Variants in EGFR observed in about 807,000 individuals in gnomAD.
The protein encoded by EGFR is avian erythroblastic leukemia viral (v-erb-b) oncogene homolog.
In EGFR, 58 loss-of-function variants were observed where a neutral mutation model predicts 143.0. That is an observed-to-expected ratio of 0.41 (90% CI 0.33 to 0.50). EGFR has a LOEUF of 0.50. Among genes scored for constraint, EGFR ranks in the 20% least tolerant of loss-of-function variants. The pLI, the probability that EGFR is intolerant of heterozygous loss-of-function variation, is 0.39. For missense variants in EGFR, 1,307 were observed against 1,579.0 expected, an observed-to-expected ratio of 0.83 and a Z score of 2.92; for synonymous variants, 613 against 594.4, an observed-to-expected ratio of 1.03 and a Z score of -0.45.
chr7:55,025,752 C>T (rs1482937320), intron 1 of EGFR, among the ~76,000 whole-genome samples: 1 of 152,198 alleles, frequency 6.6e-6, no homozygotes, highest in Non-Finnish European at 1.5e-5. Flanking sequence ...TTGAGCCACA[C>T]CAGGGGTTCT....
rs952022012 is a variant in EGFR, at chr7:55,207,147, T to A, written c.*1530T>A. 4 of 232,624 alleles carry A rather than the reference T, an allele frequency of 1.7e-5. No homozygotes were observed. The highest frequency in any genetic ancestry group is 3.4e-5 in the Non-Finnish European group (4 of 117,762). The allele number at this position is 232,624 out of a possible 1,614,324, so 14.4% of individuals were successfully genotyped here. ...CTAGTCAATATCCACCCCATCCAAT[T>A]TATCAAGGAAGAAATGGTTCAGAAA... On this transcript the variant is annotated 3_prime_UTR_variant, in exon 28 of 28. Coordinates refer to ENST00000275493, the MANE Select transcript of EGFR (RefSeq NM_005228.5).
intron 1 of EGFR, among the ~76,000 whole-genome samples, chr7:55,045,801 C>T (rs946164090): frequency 7.9e-5 from 12 of 152,216 alleles, no homozygotes; most frequent in African/African-American, 2.9e-4. Context: ...ATTTCTAGAA[C>T]ATTGCCTTCT....
chr7:55,183,294 A>T (rs761391055), intron 20 of EGFR, among the ~76,000 whole-genome samples: 14 of 152,202 alleles, frequency 9.2e-5, no homozygotes, highest in Non-Finnish European at 1.9e-4. Flanking sequence ...GAAGTGGTAG[A>T]TATATTAATT....
chr7:55,020,821 G>C (rs966184804), intron 1 of EGFR, among the ~76,000 whole-genome samples: 2 of 151,970 alleles, frequency 1.3e-5, no homozygotes, highest in African/African-American at 2.4e-5. Flanking sequence ...GCGGTCGTTG[G>C]GGGAGGGGCA....
Position 55,033,120 on chromosome 7 carries a change from T to A in EGFR, c.88+13755T>A, listed in dbSNP as rs114505047. On this transcript the variant is annotated intron_variant, in intron 1 of 27. Transcript: ENST00000275493. ...AGATAGGTCAGTGTGATTCTAGAAC[T>A]AATCATTAACATTCAATAGATGACT... 8.4e-3 allele frequency among the ~76,000 whole-genome samples: 1,285 copies of A among 152,332 alleles called. 17 individuals are homozygous for A. The highest frequency in any genetic ancestry group is 0.029 in the African/African-American group (1,205 of 41,578).
rs1251450782 is a variant in EGFR at position 55,089,524 on chromosome 7, A to C, written c.89-52762A>C. On this transcript the variant is annotated intron_variant, in intron 1 of 27. Coordinates refer to ENST00000275493, the MANE Select transcript of EGFR (RefSeq NM_005228.5). ...ACTATTTTAAGGCCAGTCATGTCTC[A>C]TCCAAGAAATCCCATCCTTTCACAC... is the stretch of plus-strand genomic sequence containing the variant. 2.6e-5 allele frequency among the ~76,000 whole-genome samples: 4 copies of C among 152,224 alleles called. No homozygotes were observed. In the South Asian group the frequency reaches 6.2e-4, roughly 24 times the overall value.
intron 19 of EGFR, among the ~76,000 whole-genome samples, chr7:55,177,488 C>G (rs1786650475): frequency 6.6e-6 from 1 of 152,216 alleles, no homozygotes; most frequent in Admixed American, 6.5e-5. Flanking sequence ...AGCCCCAGTT[C>G]CATGTTGCTA....
chr7:55,175,862 G>C (rs1786569995), intron 19 of EGFR, among the ~76,000 whole-genome samples: 1 of 152,094 alleles, frequency 6.6e-6, no homozygotes. Flanking sequence ...TCTCTGGGCA[G>C]CTTTTCTTCC....
At chr7:55,034,550 A>T (rs1304865527) in intron 1 of EGFR, among the ~76,000 whole-genome samples, 3 of 152,194 alleles carry the variant, frequency 2.0e-5, no homozygotes, top group Non-Finnish European at 4.4e-5. Flanking sequence ...AAGGACTGTG[A>T]CTGTCTTCTG....
In EGFR at chr7:55,181,337, C is replaced by A. The variant is rs142999400; in HGVS notation, c.2328C>A (p.Arg776=). Residue 776 remains arginine, a synonymous_variant, in exon 20 of 28, where the codon CGC becomes CGA. Coordinates refer to ENST00000275493, the MANE Select transcript of EGFR (RefSeq NM_005228.5). The part of the protein sequence containing the change: ...MASVDNPHVC[R]LLGICLTSTV... ...GCGTGGACAACCCCCACGTGTGCCG[C>A]CTGCTGGGCATCTGCCTCACCTCCA... 25 of 1,614,228 alleles carry A rather than the reference C, an allele frequency of 1.5e-5. No homozygotes were observed. Among genetic ancestry groups the A allele is most frequent in the Non-Finnish European group, 1.9e-5 (23 of 1,180,058 alleles).
At position 55,078,135 on chromosome 7, in the gene EGFR, C is replaced by T. The variant is rs77589970; in HGVS notation, c.88+58770C>T. ...CAGGGTTTGCTCCTGTCCACCGTGC[C>T]GTGTTCCTGTCCTGGGGTATTTGGG... On this transcript the variant is annotated intron_variant, in intron 1 of 27. Transcript: ENST00000275493. Among the ~76,000 whole-genome samples the T allele has an allele frequency of 5.4e-3, 816 of 152,212 alleles. 4 individuals are homozygous for T. Among genetic ancestry groups the T allele is most frequent in the Non-Finnish European group, 9.2e-3 (629 of 68,006 alleles).
chr7:55,057,198 T>G (rs1473258953), intron 1 of EGFR, among the ~76,000 whole-genome samples: 1 of 152,202 alleles, frequency 6.6e-6, no homozygotes, highest in Non-Finnish European at 1.5e-5. Context: ...TTAAGAAGAA[T>G]TTTTTAAAAG....
At chr7:55,159,248 G>A (rs943684329) in intron 11 of EGFR, among the ~76,000 whole-genome samples, 2 of 151,952 alleles carry the variant, frequency 1.3e-5, no homozygotes, top group Admixed American at 1.3e-4. Context: ...GTCCGGCAGG[G>A]GCTTAGTGGT....
rs1583669527 is a variant in EGFR, at chr7:55,209,191, G to A, written c.*3574G>A. 6.6e-6 allele frequency: 1 copy of A among 152,188 alleles called. No individual in the cohort carries two copies. The highest frequency in any genetic ancestry group is 1.9e-4 in the East Asian group (1 of 5,170). The allele number at this position is 152,188 out of a possible 1,614,324, so 9.4% of individuals were successfully genotyped here. ...CGGGGGCTCTTTCATGATTCTAATG[G>A]GCAACCAGGGTTGAAACCCTTATTT... is the stretch of plus-strand genomic sequence containing the variant. On this transcript the variant is annotated 3_prime_UTR_variant, in exon 28 of 28. Transcript: ENST00000275493.
At chr7:55,203,474 CCACACAT>C (rs1787957356) in intron 27 of EGFR, among the ~76,000 whole-genome samples, 1 of 146,090 alleles carries the variant, frequency 6.8e-6, no homozygotes, top group African/African-American at 2.6e-5. Flanking sequence ...TACACACACA[CCACACAT>C]ACATACACAC....
At chr7:55,203,108 CACACACATACACAT>C (rs1787927352) in intron 27 of EGFR, 1 of 255,492 alleles carries the variant, frequency 3.9e-6, no homozygotes, top group South Asian at 1.1e-4. Flanking sequence ...CACACATATA[CACACACATACACAT>C]ACACACATAT....
At position 55,143,319 on chromosome 7, in the gene EGFR, G is replaced by A. The variant is rs2128927190; in HGVS notation, c.255G>A (p.Val85=). The part of the protein sequence containing the change: ...DLSFLKTIQE[V]AGYVLIALNT... Reference sequence around the variant, plus strand: ...TCTCTTCTTAGACCATCCAGGAGGTGGCTGGTTATGTCCTCATTGCCCTCA... The same window carrying A: ...TCTCTTCTTAGACCATCCAGGAGGTAGCTGGTTATGTCCTCATTGCCCTCA... The change falls in exon 3 of 28, where the codon GTG becomes GTA. Residue 85 remains valine (V), a synonymous_variant. Coordinates refer to ENST00000275493, the MANE Select transcript of EGFR (RefSeq NM_005228.5). The A allele has an allele frequency of 1.2e-6, 2 of 1,614,216 alleles. No individual in the cohort carries two copies. Among genetic ancestry groups the A allele is most frequent in the Non-Finnish European group, 1.7e-6 (2 of 1,180,046 alleles).
intron 1 of EGFR, among the ~76,000 whole-genome samples, chr7:55,023,619 C>T (rs534167521): frequency 5.3e-4 from 76 of 143,654 alleles, no homozygotes; most frequent in Middle Eastern, 3.7e-3. Context: ...CCATTGCACT[C>T]CAGCCCGCGC....
At chr7:55,123,261 G>C (rs966853311) in intron 1 of EGFR, among the ~76,000 whole-genome samples, 1 of 152,176 alleles carries the variant, frequency 6.6e-6, no homozygotes, top group African/African-American at 2.4e-5. Flanking sequence ...ATTAACTCAA[G>C]GTATTGTGGT....
Sources: gnomAD v4.1 joint callset for allele counts (sites outside exome capture counted in the v4.1 genomes callset) on GRCh38, gnomAD v4.1.1 for gene constraint, MANE v1.5 for transcripts, NCBI Gene and HGNC (gene_info 2026-07-23, HGNC 2026-07-21) for gene names.